The following CASC3 variants were observed in gnomAD, a reference collection of about 807,000 sequenced individuals.
The protein encoded by CASC3 is CASC3 exon junction complex subunit.
A neutral mutation model predicts 80.5 loss-of-function variants in CASC3; 30 were observed. The ratio of observed to expected loss-of-function variants is 0.37; its 90% confidence interval spans 0.28 to 0.51. CASC3 has a LOEUF of 0.51. Ranked by LOEUF, CASC3 falls within the 20% of genes least tolerant of loss-of-function variation. CASC3 has a pLI of 0.94. For synonymous variants in CASC3, 312 were observed against 333.6 expected (o/e 0.94, Z 0.70); for missense variants, 824 against 922.2 (o/e 0.89, Z 1.38).
intron 3 of CASC3, among the ~76,000 whole-genome samples, chr17:40,158,734 A>G (rs1989214777): frequency 6.6e-6 from 1 of 152,170 alleles, no homozygotes; most frequent in African/African-American, 2.4e-5. Context: ...CACTTGGACT[A>G]ATTTTTTTCA....
intron 7 of CASC3, 144 bp from the exon 8 acceptor site, chr17:40,166,653 C>A: frequency 1.9e-6 from 1 of 527,956 alleles, no homozygotes; most frequent in South Asian, 3.1e-5. Context: ...TGACAGAAAG[C>A]AGAGATAGTT....
In CASC3 at chr17:40,171,704, C is replaced by G; in HGVS notation, c.*1299C>G. On this transcript the variant is annotated 3_prime_UTR_variant, in exon 14 of 14. Coordinates refer to ENST00000264645, the MANE Select transcript of CASC3 (RefSeq NM_007359.5). ...GAGATTCCTATTACTGCAGTACATA[C>G]GTCTGCCAGGGGTAACCTGGCCACT... The G allele has an allele frequency of 9.0e-7, 1 of 1,110,042 alleles. No individual in the cohort carries two copies. Among genetic ancestry groups the G allele is most frequent in the Non-Finnish European group, 1.1e-6 (1 of 901,716 alleles). The allele number at this position is 1,110,042 out of a possible 1,614,324, so 68.8% of individuals were successfully genotyped here.
At chr17:40,153,275 A>G (rs1190945209) in intron 3 of CASC3, among the ~76,000 whole-genome samples, 1 of 152,142 alleles carries the variant, frequency 6.6e-6, no homozygotes, top group Non-Finnish European at 1.5e-5. Context: ...TTTACTTAGC[A>G]TAGTTCCGTC....
intron 3 of CASC3, among the ~76,000 whole-genome samples, chr17:40,153,920 A>G (rs567593268): frequency 6.6e-6 from 1 of 152,196 alleles, no homozygotes; most frequent in South Asian, 2.1e-4. Context: ...CTAAAAATGC[A>G]AAAATTAGCC....
In CASC3 at chr17:40,167,853, A is replaced by G; in HGVS notation, c.1655A>G (p.Gln552Arg). 1 of 1,613,418 alleles carries G rather than the reference A, an allele frequency of 6.2e-7. No individual in the cohort carries two copies. Among genetic ancestry groups the G allele is most frequent in the Non-Finnish European group, 8.5e-7 (1 of 1,179,296 alleles). Reference protein sequence around the residue: ...IMEGHYYDPLQFQGPIYTHGD... With the variant: ...IMEGHYYDPLRFQGPIYTHGD... ...GTCCCAATGTGATATCTTACAGTGC[A>G]GTTCCAGGGACCAATCTATACCCAT... Residue 552 changes from glutamine to arginine, a missense_variant, in exon 10 of 14, where the codon CAG becomes CGG. Transcript: ENST00000264645.
chr17:40,143,566 T>C (rs962006238), intron 3 of CASC3, among the ~76,000 whole-genome samples: 9 of 152,196 alleles, frequency 5.9e-5, no homozygotes, highest in African/African-American at 1.2e-4. Flanking sequence ...GCACAGTGGC[T>C]CATGCCTGTA....
chr17:40,151,677 G>C (rs1365501199), intron 3 of CASC3, among the ~76,000 whole-genome samples: 1 of 140,994 alleles, frequency 7.1e-6, no homozygotes, highest in Admixed American at 7.5e-5. Flanking sequence ...TTGAGTAACA[G>C]AGTGAGACCT....
intron 3 of CASC3, among the ~76,000 whole-genome samples, chr17:40,156,007 C>T (rs1306299598): frequency 2.0e-5 from 3 of 152,200 alleles, no homozygotes; most frequent in Non-Finnish European, 4.4e-5. Flanking sequence ...CATCCTACCA[C>T]AGATCAGAGG....
At chr17:40,149,262 A>G (rs1988935993) in intron 3 of CASC3, among the ~76,000 whole-genome samples, 3 of 146,038 alleles carry the variant, frequency 2.1e-5, no homozygotes, top group African/African-American at 7.6e-5. Flanking sequence ...TGCCACTGCC[A>G]TTTTCTGAGA....
intron 3 of CASC3, among the ~76,000 whole-genome samples, chr17:40,144,447 C>T (rs190222807): frequency 0.016 from 2,358 of 150,662 alleles, 35 homozygotes; most frequent in Non-Finnish European, 0.024. Flanking sequence ...CGGGTTCAAG[C>T]GATTCTCCTG....
intron 3 of CASC3, among the ~76,000 whole-genome samples, chr17:40,154,200 T>A (rs1989086984): frequency 6.6e-6 from 1 of 151,538 alleles, no homozygotes; most frequent in Non-Finnish European, 1.5e-5. Flanking sequence ...TTTTAAAAAT[T>A]AATTTTTAAT....
chr17:40,157,915 T>C (rs911650615), intron 3 of CASC3, among the ~76,000 whole-genome samples: 3 of 152,202 alleles, frequency 2.0e-5, no homozygotes, highest in African/African-American at 7.2e-5. Context: ...TAAGGAAACA[T>C]ACTATTCAGT....
rs865947786 is a variant in CASC3, at chr17:40,163,479, A to G, written c.786-2A>G. ...ACAGTTTCTTCATTCCATTTTTTGTAGATATGGGAGTCCTCCACAAAGAGA... is the reference window on the plus strand; with the variant it reads ...ACAGTTTCTTCATTCCATTTTTTGTGGATATGGGAGTCCTCCACAAAGAGA... On this transcript the variant is annotated splice_acceptor_variant, in intron 6 of 13. Transcript: ENST00000264645. LOFTEE classifies it high-confidence loss of function. 6.3e-7 allele frequency: 1 copy of G among 1,596,048 alleles called. No homozygotes were observed. Among genetic ancestry groups the G allele is most frequent in the African/African-American group, 1.4e-5 (1 of 72,090 alleles).
chr17:40,145,733 T>C (rs1988843161), intron 3 of CASC3, among the ~76,000 whole-genome samples: 1 of 151,344 alleles, frequency 6.6e-6, no homozygotes, highest in Non-Finnish European at 1.5e-5. Context: ...AAAAAAAAAG[T>C]GATGCGATTG....
At chr17:40,156,092 G>T (rs1190590754) in intron 3 of CASC3, among the ~76,000 whole-genome samples, 1 of 152,142 alleles carries the variant, frequency 6.6e-6, no homozygotes, top group Non-Finnish European at 1.5e-5. Context: ...AAATCAGTAC[G>T]TGTGTGTAGG....
intron 7 of CASC3, among the ~76,000 whole-genome samples, chr17:40,165,790 A>G (rs920202425): frequency 7.5e-6 from 1 of 133,982 alleles, no homozygotes; most frequent in Non-Finnish European, 1.6e-5. Context: ...GATGGGTCCC[A>G]CTTTGTCACC....
In CASC3 at chr17:40,171,741, T is replaced by C; in HGVS notation, c.*1336T>C. ...GTAACCTGGCCACTGTCCCTGTCCTTCTACAGAACCTGAGGGCAAAGATGG... is the reference window on the plus strand; with the variant it reads ...GTAACCTGGCCACTGTCCCTGTCCTCCTACAGAACCTGAGGGCAAAGATGG... On this transcript the variant is annotated 3_prime_UTR_variant, in exon 14 of 14. Transcript: ENST00000264645. 3.5e-6 allele frequency: 4 copies of C among 1,144,990 alleles called. No homozygotes were observed. Among genetic ancestry groups the C allele is most frequent in the Non-Finnish European group, 4.3e-6 (4 of 919,956 alleles). The allele number at this position is 1,144,990 out of a possible 1,614,324, so 70.9% of individuals were successfully genotyped here. A position where few individuals can be genotyped will look rare whatever the true frequency, so the allele number is the denominator to read the frequency against.
In CASC3 at chr17:40,144,658, CT is replaced by C. The variant is rs939136950; in HGVS notation, c.297+3073del. Among the ~76,000 whole-genome samples, 1,118 of 119,124 alleles carry C rather than the reference CT, an allele frequency of 9.4e-3. 7 individuals carry two copies. The highest frequency in any genetic ancestry group is 0.013 in the Non-Finnish European group (765 of 57,358). 78.1% of individuals were successfully genotyped at this position (119,124 alleles called of 152,430 possible). A position where few individuals can be genotyped will look rare whatever the true frequency, so the allele number is the denominator to read the frequency against. On this transcript the variant is annotated intron_variant, in intron 3 of 13. Coordinates refer to ENST00000264645, the MANE Select transcript of CASC3 (RefSeq NM_007359.5). ...GGTGTGAGCCACTGTGCCCAGCCCT[CT>C]TTTTTTTTTTTTTTTTTTTTTAAAA...
intron 3 of CASC3, among the ~76,000 whole-genome samples, chr17:40,158,655 G>A (rs1989212261): frequency 6.6e-6 from 1 of 152,082 alleles, no homozygotes. Context: ...CACTTTCTGT[G>A]TCATGAACAG....
Sources: gnomAD v4.1 joint callset for allele counts (sites outside exome capture counted in the v4.1 genomes callset) on GRCh38, gnomAD v4.1.1 for gene constraint, MANE v1.5 for transcripts, NCBI Gene and HGNC (gene_info 2026-07-23, HGNC 2026-07-21) for gene names.